The following TUSC3 variants were observed in gnomAD, a reference collection of about 807,000 sequenced individuals.
TUSC3 encodes dolichyl-diphosphooligosaccharide--protein glycosyltransferase subunit TUSC3.
In TUSC3, 45 loss-of-function variants were observed where a neutral mutation model predicts 44.8. The ratio of observed to expected loss-of-function variants is 1.00; its 90% CI spans 0.79 to 1.29. The LOEUF (loss-of-function observed/expected upper bound fraction) is 1.29. Among genes scored for constraint, TUSC3 ranks in the 50% most tolerant of loss-of-function variants. TUSC3 has a pLI of 0.00. For synonymous variants in TUSC3, 212 were observed against 152.9 expected (o/e 1.39, Z -2.85); for missense variants, 519 against 437.9 (o/e 1.19, Z -1.65).
chr8:15,447,131 C>T (rs1800116324), intron 1 of TUSC3, among the ~76,000 whole-genome samples: 1 of 151,490 alleles, frequency 6.6e-6, no homozygotes, highest in Non-Finnish European at 1.5e-5. Flanking sequence ...AATAAGTATA[C>T]CTAAATTTAG....
intron 1 of TUSC3, among the ~76,000 whole-genome samples, chr8:15,418,752 C>G (rs889248123): frequency 6.6e-6 from 1 of 152,112 alleles, no homozygotes; most frequent in Non-Finnish European, 1.5e-5. Context: ...ATGCCTGTAA[C>G]CTCAGCATTT....
chr8:15,430,946 C>G (rs994907569), intron 1 of TUSC3, among the ~76,000 whole-genome samples: 2 of 151,728 alleles, frequency 1.3e-5, no homozygotes, highest in African/African-American at 2.4e-5. Flanking sequence ...GTTGACTGTC[C>G]TTTCCCCATT....
intron 1 of TUSC3, among the ~76,000 whole-genome samples, chr8:15,417,689 T>A (rs1239542526): frequency 6.6e-6 from 1 of 152,214 alleles, no homozygotes; most frequent in East Asian, 1.9e-4. Flanking sequence ...TGAGCACTCA[T>A]CACTGGCAGG....
At chr8:15,654,957 T>C (rs1807088181) in intron 3 of TUSC3, among the ~76,000 whole-genome samples, 1 of 152,142 alleles carries the variant, frequency 6.6e-6, no homozygotes, top group South Asian at 2.1e-4. Context: ...ATCACTTTAT[T>C]TTTATATGCC....
At chr8:15,457,047 C>G (rs1321849913) in intron 1 of TUSC3, among the ~76,000 whole-genome samples, 1 of 152,014 alleles carries the variant, frequency 6.6e-6, no homozygotes, top group Admixed American at 6.6e-5. Context: ...AACCATCATT[C>G]TCAGCAAACT....
intron 6 of TUSC3, among the ~76,000 whole-genome samples, chr8:15,722,241 G>C (rs1297348984): frequency 1.3e-5 from 2 of 148,970 alleles, no homozygotes; most frequent in African/African-American, 4.9e-5. Context: ...GATGGGTTTT[G>C]TTTCTTTCTT....
chr8:15,748,836 A>G (rs1811538606), intron 9 of TUSC3: 8 of 441,322 alleles, frequency 1.8e-5, no homozygotes, highest in South Asian at 3.3e-5. Flanking sequence ...TAAACTTTGT[A>G]TTATCTTTTG....
At chr8:15,614,328 A>G (rs1804893994) in intron 1 of TUSC3, among the ~76,000 whole-genome samples, 2 of 152,080 alleles carry the variant, frequency 1.3e-5, no homozygotes, top group Admixed American at 1.3e-4. Context: ...ACATGCACTC[A>G]TTTAAGTGTA....
chr8:15,823,302 T>A, the TUSC3 span, among the ~76,000 whole-genome samples: 1 of 152,166 alleles, frequency 6.6e-6, no homozygotes, highest in African/African-American at 2.4e-5. Context: ...GTTTTCATTA[T>A]TTCTTTTTAT....
At chr8:15,796,223 C>A in the TUSC3 span, among the ~76,000 whole-genome samples, 2 of 152,252 alleles carry the variant, frequency 1.3e-5, no homozygotes, top group East Asian at 3.9e-4. Flanking sequence ...CTGGGTGGTG[C>A]AAGCTGAGTC....
chr8:15,587,611 C>A (rs1385606581), intron 1 of TUSC3, among the ~76,000 whole-genome samples: 3 of 152,064 alleles, frequency 2.0e-5, no homozygotes, highest in African/African-American at 7.2e-5. Flanking sequence ...TGAACATATA[C>A]AGTAATTTAT....
the TUSC3 span, chr8:15,807,149 A>G: frequency 8.5e-4 from 762 of 892,298 alleles, 3 homozygotes; most frequent in African/African-American, 9.2e-3. Context: ...CACTTGGCAA[A>G]GCAATCACAG....
chr8:15,544,235 G>C (rs1230714574), intron 1 of TUSC3, among the ~76,000 whole-genome samples: 3 of 151,788 alleles, frequency 2.0e-5, no homozygotes, highest in East Asian at 1.9e-4. Context: ...CTTTTATTTT[G>C]ACAGTTTCTC....
intron 5 of TUSC3, among the ~76,000 whole-genome samples, chr8:15,669,255 G>T (rs1205291160): frequency 6.6e-6 from 1 of 151,774 alleles, no homozygotes; most frequent in Non-Finnish European, 1.5e-5. Flanking sequence ...TGAATCCATT[G>T]CTGAAACAAT....
chr8:15,787,027 G>T, the TUSC3 span, among the ~76,000 whole-genome samples: 425 of 150,788 alleles, frequency 2.8e-3, 2 homozygotes, highest in African/African-American at 9.9e-3. Context: ...TAATGACTTT[G>T]GGTCTGTGGT....
chr8:15,774,587 A>T, the TUSC3 span, among the ~76,000 whole-genome samples: 13 of 152,148 alleles, frequency 8.5e-5, no homozygotes, highest in Non-Finnish European at 1.8e-4. Flanking sequence ...CAGAACATTA[A>T]GATCGTAAAT....
At chr8:15,751,560 G>A (rs1811705254) in intron 9 of TUSC3, among the ~76,000 whole-genome samples, 1 of 152,142 alleles carries the variant, frequency 6.6e-6, no homozygotes, top group African/African-American at 2.4e-5. Context: ...AGGGGCGTCT[G>A]ATTTAAGTAG....
chr8:15,723,088 C>T (rs905484634), intron 6 of TUSC3, among the ~76,000 whole-genome samples: 2 of 152,090 alleles, frequency 1.3e-5, no homozygotes, highest in African/African-American at 4.8e-5. Context: ...GTTTCATGCA[C>T]ACACTATTTT....
chr8:15,679,127 C>T (rs951123739), intron 6 of TUSC3, among the ~76,000 whole-genome samples: 6 of 152,052 alleles, frequency 3.9e-5, no homozygotes, highest in African/African-American at 1.2e-4. Context: ...TACCCAGTAA[C>T]GAGATTGCTA....
Sources: gnomAD v4.1 joint callset for allele counts (sites outside exome capture counted in the v4.1 genomes callset) on GRCh38, gnomAD v4.1.1 for gene constraint, MANE v1.5 for transcripts, NCBI Gene and HGNC (gene_info 2026-07-23, HGNC 2026-07-21) for gene names.